Variants in ARHGEF17 observed in about 807,000 individuals in gnomAD.
ARHGEF17 encodes 164 kDa Rho-specific guanine-nucleotide exchange factor.
Under a neutral mutation model 174.0 loss-of-function variants are expected in ARHGEF17, and 80 were observed. The ratio of observed to expected loss-of-function variants is 0.46; its 90% confidence interval spans 0.38 to 0.55. ARHGEF17 has a LOEUF of 0.55. Ranked by LOEUF, ARHGEF17 falls within the 20% of genes least tolerant of loss-of-function variation. The pLI is 0.00. For synonymous variants in ARHGEF17, 1,311 were observed against 1,189.1 expected (o/e 1.10, Z -2.11); for missense variants, 2,886 against 2,839.7 (o/e 1.02, Z -0.37).
At chr11:73,353,319 A>G in intron 3 of ARHGEF17, 3 of 426,446 alleles carry the variant, frequency 7.0e-6, no homozygotes, top group South Asian at 2.8e-5. Context: ...CCTGACCCCA[A>G]GCTGGTGCGG....
At chr11:73,345,815 G>T (rs1339148983) in intron 1 of ARHGEF17, among the ~76,000 whole-genome samples, 4 of 152,218 alleles carry the variant, frequency 2.6e-5, no homozygotes, top group Non-Finnish European at 5.9e-5. Flanking sequence ...GAGCCTAGAG[G>T]AGTTAGGGGC....
At chr11:73,360,148 C>T (rs1490450461) in intron 10 of ARHGEF17, among the ~76,000 whole-genome samples, 172 bp from the exon 11 acceptor site, 1 of 152,100 alleles carries the variant, frequency 6.6e-6, no homozygotes, top group Non-Finnish European at 1.5e-5. Context: ...AGCTGCATCC[C>T]CATCAGAGGG....
At position 73,308,546 on chromosome 11, in the gene ARHGEF17, G is replaced by A. The variant is rs1239393080; in HGVS notation, c.-93G>A. Reference sequence around the variant, plus strand: ...TCCCACACTCCCGTGCGCTGCTTTCGGCGTGGGCCGCTGCGCTCCTAGGGA... The same window carrying A: ...TCCCACACTCCCGTGCGCTGCTTTCAGCGTGGGCCGCTGCGCTCCTAGGGA... On this transcript the variant is annotated 5_prime_UTR_variant, in exon 1 of 21. Coordinates refer to ENST00000263674, the MANE Select transcript of ARHGEF17 (RefSeq NM_014786.4). 6 of 1,150,246 alleles carry A rather than the reference G, an allele frequency of 5.2e-6. No individual in the cohort carries two copies. The highest frequency in any genetic ancestry group is 6.8e-6 in the Non-Finnish European group (6 of 877,334). 71.3% of individuals were successfully genotyped at this position (1,150,246 alleles called of 1,614,324 possible).
rs1230051046 is a variant in ARHGEF17 at position 73,357,342 on chromosome 11, A to G, written c.4087+15A>G. 1 of 1,610,092 alleles carries G rather than the reference A, an allele frequency of 6.2e-7. No individual in the cohort carries two copies. The highest frequency in any genetic ancestry group is 8.5e-7 in the Non-Finnish European group (1 of 1,177,910). On this transcript the variant is annotated intron_variant, in intron 9 of 20. Coordinates refer to ENST00000263674, the MANE Select transcript of ARHGEF17 (RefSeq NM_014786.4). ...CATCATCAAAGGTGGGTTTGATGCT[A>G]GGGGTTCTGGGTGTTGGGGTCTTCC... is the stretch of plus-strand genomic sequence containing the variant.
rs1382116415 is a variant in ARHGEF17 at position 73,356,117 on chromosome 11, C to T, written c.3664-58C>T. 1.9e-6 allele frequency: 3 copies of T among 1,596,900 alleles called. No homozygotes were observed. The Admixed American group carries it at 5.1e-5, about 27-fold the overall frequency. On this transcript the variant is annotated intron_variant, in intron 5 of 20. Coordinates refer to ENST00000263674, the MANE Select transcript of ARHGEF17 (RefSeq NM_014786.4). ...CTACCCATAGTCCCTCCTGCTCCAG[C>T]AGTCTGGGGCCCCAGGGGTAGCTAA...
At chr11:73,363,908 T>TC in intron 16 of ARHGEF17, 75 bp downstream of exon 16, 1 of 1,456,148 alleles carries the variant, frequency 6.9e-7, no homozygotes, top group Middle Eastern at 1.7e-4. Flanking sequence ...GTTCATCTGG[T>TC]CCCCCTGCTC....
Position 73,367,862 on chromosome 11 carries a change from A to C in ARHGEF17, c.*82A>C. 1.4e-6 allele frequency: 2 copies of C among 1,432,280 alleles called. No homozygotes were observed. The highest frequency in any genetic ancestry group is 2.6e-5 in the South Asian group (2 of 77,318). The allele number at this position is 1,432,280 out of a possible 1,614,324, so 88.7% of individuals were successfully genotyped here. ...CTCCCTAGCCCACACGCAGACTTTG[A>C]CCAGGAGTATCCAGCCAGGGGCACA... is the stretch of plus-strand genomic sequence containing the variant. On this transcript the variant is annotated 3_prime_UTR_variant, in exon 21 of 21. Transcript: ENST00000263674.
intron 1 of ARHGEF17, among the ~76,000 whole-genome samples, chr11:73,314,475 T>C (rs937983102): frequency 2.8e-4 from 43 of 152,324 alleles, no homozygotes; most frequent in African/African-American, 9.1e-4. Flanking sequence ...GAGTCATCTT[T>C]GTCTCTCAGT....
At position 73,309,951 on chromosome 11, in the gene ARHGEF17, G is replaced by T; in HGVS notation, c.1313G>T (p.Gly438Val). The T allele has an allele frequency of 1.2e-6, 2 of 1,613,842 alleles. No homozygotes were observed. The highest frequency in any genetic ancestry group is 1.7e-6 in the Non-Finnish European group (2 of 1,180,000). Residue 438 changes from glycine (G) to valine (V), a missense_variant, in exon 1 of 21, where the codon GGA becomes GTA. Physicochemically the swap from Gly to Val is moderately radical, Grantham distance 109. Around this residue, in one of 4 missense-constraint regions of ARHGEF17, gnomAD observed 1,728 missense variants for 1,461.2 expected, o/e 1.18. Coordinates refer to ENST00000263674, the MANE Select transcript of ARHGEF17 (RefSeq NM_014786.4). Reference protein sequence around the residue: ...LRSQARTRAKGPGGTSRALRD... With the variant: ...LRSQARTRAKVPGGTSRALRD... ...TCCCAGGCTCGAACCCGTGCCAAAGGACCTGGAGGCACCTCTAGGGCATTG... is the reference window on the plus strand; with the variant it reads ...TCCCAGGCTCGAACCCGTGCCAAAGTACCTGGAGGCACCTCTAGGGCATTG...
chr11:73,309,671 G>C lies in ARHGEF17; in HGVS notation c.1033G>C (p.Gly345Arg), dbSNP rs780600853. The C allele has an allele frequency of 6.2e-7, 1 of 1,613,092 alleles. No homozygotes were observed. Among genetic ancestry groups the C allele is most frequent in the Admixed American group, 1.7e-5 (1 of 60,028 alleles). ...APREEGLREW[G>R]SGSPPCVPGP... ...TAGAGAAGAAGGACTCCGGGAGTGG[G>C]GTAGTGGCTCTCCGCCCTGCGTCCC... Residue 345 changes from glycine (G) to arginine (R), a missense_variant, in exon 1 of 21, where the codon GGT becomes CGT. Gly to Arg is a moderately radical substitution (Grantham distance 125, BLOSUM62 -2). Transcript: ENST00000263674.
At chr11:73,356,819 T>C (rs1865650203) in intron 7 of ARHGEF17, 60 bp downstream of exon 7, 8 of 1,609,084 alleles carry the variant, frequency 5.0e-6, no homozygotes, top group Middle Eastern at 1.7e-4. Context: ...TCCTCTCTTC[T>C]GCTCACACCC....
chr11:73,357,842 C>T (rs1189877859), intron 9 of ARHGEF17, among the ~76,000 whole-genome samples: 1 of 152,214 alleles, frequency 6.6e-6, no homozygotes, highest in Non-Finnish European at 1.5e-5. Flanking sequence ...TGAGTCTGCC[C>T]TGTTCTCACT....
intron 1 of ARHGEF17, among the ~76,000 whole-genome samples, chr11:73,324,468 G>A (rs1235086980): frequency 1.3e-5 from 2 of 152,216 alleles, no homozygotes; most frequent in African/African-American, 2.4e-5. Flanking sequence ...GCTGTCCTGG[G>A]GACCAGGCAG....
chr11:73,364,000 C>A (rs758335121), intron 16 of ARHGEF17, among the ~76,000 whole-genome samples, 167 bp downstream of exon 16: 1 of 152,140 alleles, frequency 6.6e-6, no homozygotes, highest in Non-Finnish European at 1.5e-5. Flanking sequence ...TGTGTGAGCT[C>A]GGGCAAGTCA....
In ARHGEF17 at chr11:73,356,321, G is replaced by A. The variant is rs1865638313; in HGVS notation, c.3810G>A (p.Glu1270=). 2 of 1,612,632 alleles carry A rather than the reference G, an allele frequency of 1.2e-6. No individual in the cohort carries two copies. Among genetic ancestry groups the A allele is most frequent in the African/African-American group, 2.7e-5 (2 of 75,044 alleles). Residue 1270 remains glutamate (E), a synonymous_variant, in exon 6 of 21, where the codon GAG becomes GAA. Transcript: ENST00000263674. ...AGCGCCATGCCCGTGTGCTGCAGGA[G>A]ATAGAGGCTCACATCGAGGGCATGG... The part of the protein sequence containing the change: ...EAERHARVLQ[E]IEAHIEGMED...
intron 1 of ARHGEF17, among the ~76,000 whole-genome samples, chr11:73,344,255 C>A (rs558275190): frequency 6.6e-6 from 1 of 152,082 alleles, no homozygotes; most frequent in Non-Finnish European, 1.5e-5. Flanking sequence ...TGTCCACCCC[C>A]GCAACCCCCG....
At chr11:73,357,002 G>C (rs1159824344) in intron 7 of ARHGEF17, 23 bp from the exon 8 acceptor site, 3 of 1,612,990 alleles carry the variant, frequency 1.9e-6, no homozygotes, top group South Asian at 1.1e-5. Flanking sequence ...CACCCAGCCT[G>C]AATTCTGCCT....
chr11:73,347,196 A>C, intron 2 of ARHGEF17: 1 of 614,636 alleles, frequency 1.6e-6, no homozygotes, highest in Non-Finnish European at 3.0e-6. Context: ...AGGCGTCCCT[A>C]CCCTGCTGTT....
In ARHGEF17 at chr11:73,362,529, G is replaced by A; in HGVS notation, c.4791G>A (p.Ala1597=). 1.2e-6 allele frequency: 2 copies of A among 1,606,186 alleles called. No individual in the cohort carries two copies. Among genetic ancestry groups the A allele is most frequent in the Non-Finnish European group, 1.7e-6 (2 of 1,178,514 alleles). ...AGGCCGCTGCAGACGAGGAAGCCGC[G>A]ACGCTCGCGGAGCCGGGGCCGCAGC... ...DVEAAADEEA[A]TLAEPGPQPC... Residue 1597 remains alanine (A), a synonymous_variant, in exon 14 of 21, where the codon GCG becomes GCA. Coordinates refer to ENST00000263674, the MANE Select transcript of ARHGEF17 (RefSeq NM_014786.4).
Sources: allele counts gnomAD v4.1 joint callset (sites outside exome capture counted in the v4.1 genomes callset), GRCh38; gene constraint gnomAD v4.1.1; regional missense constraint gnomAD v4.1.1; transcripts MANE v1.5; gene names NCBI Gene and HGNC (gene_info 2026-07-23, HGNC 2026-07-21).